Variants in NPLOC4 observed in about 807,000 individuals in gnomAD.
NPLOC4 encodes nuclear protein localization protein 4 homolog.
NPLOC4 carries 18 observed loss-of-function variants against 80.6 expected under a neutral mutation model. That is an observed-to-expected ratio of 0.22 (90% CI 0.15 to 0.33). The LOEUF (loss-of-function observed/expected upper bound fraction) is 0.33, where lower values mean the gene tolerates loss of function less well. Among genes scored for constraint, NPLOC4 ranks in the 10% least tolerant of loss-of-function variants. The probability of loss-of-function intolerance (pLI) is 1.00; values close to 1 mark genes in which losing one functional copy is unlikely to be tolerated. For synonymous variants in NPLOC4, 313 were observed against 301.5 expected (o/e 1.04, Z -0.39); for missense variants, 540 against 786.1 (o/e 0.69, Z 3.74).
intron 16 of NPLOC4, chr17:81,563,626 C>CA (rs1299806162): frequency 9.2e-6 from 2 of 216,368 alleles, no homozygotes; most frequent in Non-Finnish European, 1.9e-5. Context: ...GTTAGAACTG[C>CA]ATCAAAGGGC....
In NPLOC4 at chr17:81,582,011, G is replaced by A. The variant is rs1317152057; in HGVS notation, c.1281+6933C>T. Reference sequence around the variant, plus strand: ...TCCATGGTGGACCCACCACACCCTAGTGTCAGAGAGGGAACATGAGGAGGG... The same window carrying A: ...TCCATGGTGGACCCACCACACCCTAATGTCAGAGAGGGAACATGAGGAGGG... On this transcript the variant is annotated intron_variant, in intron 12 of 16. Transcript: ENST00000331134. Among the ~76,000 whole-genome samples, 4 of 152,292 alleles carry A rather than the reference G, an allele frequency of 2.6e-5. No homozygotes were observed. In the East Asian group the frequency reaches 7.7e-4, roughly 29 times the overall value.
chr17:81,601,934 CCCCAGCCTGCCT>C (rs2035066170), intron 8 of NPLOC4, among the ~76,000 whole-genome samples: 1 of 152,148 alleles, frequency 6.6e-6, no homozygotes, highest in Non-Finnish European at 1.5e-5. Flanking sequence ...CTGCAGGGCA[CCCCAGCCTGCCT>C]CCCAGGCAGG....
At chr17:81,625,532 TA>T (rs896572361) in intron 2 of NPLOC4, among the ~76,000 whole-genome samples, 6 of 151,572 alleles carry the variant, frequency 4.0e-5, no homozygotes, top group African/African-American at 1.5e-4. Context: ...AGAACAGAAA[TA>T]AAAAATTCAC....
chr17:81,592,758 C>T (rs376281316), intron 11 of NPLOC4, among the ~76,000 whole-genome samples: 2 of 152,122 alleles, frequency 1.3e-5, no homozygotes, highest in Admixed American at 6.6e-5. Context: ...CCGAGACAGG[C>T]GGATCACTTG....
chr17:81,627,057 T>C (rs548948095), intron 2 of NPLOC4, among the ~76,000 whole-genome samples: 2 of 148,470 alleles, frequency 1.3e-5, no homozygotes, highest in East Asian at 4.0e-4. Context: ...GCCGCTGCAC[T>C]CCAGCTTGGG....
chr17:81,585,663 G>T (rs1210114770), intron 12 of NPLOC4, among the ~76,000 whole-genome samples: 2 of 128,388 alleles, frequency 1.6e-5, no homozygotes, highest in Admixed American at 7.9e-5. Flanking sequence ...TCCATTTCTG[G>T]GGGGGGGGGG....
intron 13 of NPLOC4, among the ~76,000 whole-genome samples, chr17:81,570,898 T>C (rs975030239): frequency 6.6e-6 from 1 of 152,146 alleles, no homozygotes; most frequent in African/African-American, 2.4e-5. Context: ...CAAGTACTTC[T>C]GAAAAACTGC....
At chr17:81,581,956 T>G (rs958146054) in intron 12 of NPLOC4, among the ~76,000 whole-genome samples, 39 of 152,246 alleles carry the variant, frequency 2.6e-4, no homozygotes, top group African/African-American at 9.1e-4. Context: ...TCAAAATGTC[T>G]CTGGGACGTG....
chr17:81,597,240 C>T lies in NPLOC4; in HGVS notation c.993+5G>A, dbSNP rs746137089. ...GCCACACGCACAGTCCTGTCTCCAC[C>T]TCACCTTATTTCGACTGTAGCGGAC... On this transcript the variant is annotated splice_donor_5th_base_variant and intron_variant, in intron 10 of 16. Transcript: ENST00000331134. 2 of 1,612,204 alleles carry T rather than the reference C, an allele frequency of 1.2e-6. No homozygotes were observed. Among genetic ancestry groups the T allele is most frequent in the Admixed American group, 1.7e-5 (1 of 60,006 alleles).
At chr17:81,607,956 A>G (rs1219196682) in intron 6 of NPLOC4, among the ~76,000 whole-genome samples, 3 of 152,256 alleles carry the variant, frequency 2.0e-5, no homozygotes, top group Non-Finnish European at 4.4e-5. Context: ...ATAAAATAAT[A>G]GCTGAAGCCT....
rs1156270081 is a variant in NPLOC4 at position 81,572,922 on chromosome 17, G to A, written c.1282-834C>T. On this transcript the variant is annotated intron_variant, in intron 12 of 16. Transcript: ENST00000331134. This position sits in a 1 kb window ranked among gnomAD's most constrained non-coding sequence, Gnocchi z 4.5. ...AGCGCACACACAAATATGAAGACAC[G>A]GGAACCCCACACCAATCTGTCAAAG... Among the ~76,000 whole-genome samples the A allele has an allele frequency of 3.3e-5, 5 of 151,660 alleles. No individual in the cohort carries two copies. The highest frequency in any genetic ancestry group is 4.2e-4 in the South Asian group (2 of 4,816).
At chr17:81,618,307 C>T (rs923512003) in intron 3 of NPLOC4, among the ~76,000 whole-genome samples, 3 of 149,972 alleles carry the variant, frequency 2.0e-5, no homozygotes, top group Non-Finnish European at 3.0e-5. Context: ...CTCTGCCCCG[C>T]CGCCCCGTCT....
At chr17:81,609,814 G>A (rs1013398766) in intron 5 of NPLOC4, among the ~76,000 whole-genome samples, 5 of 152,150 alleles carry the variant, frequency 3.3e-5, no homozygotes, top group African/African-American at 4.8e-5. Flanking sequence ...GCATTATTAC[G>A]GTAACTCTCA....
intron 13 of NPLOC4, among the ~76,000 whole-genome samples, chr17:81,569,420 C>T (rs527773373): frequency 1.4e-4 from 21 of 152,372 alleles, no homozygotes; most frequent in African/African-American, 4.8e-4. Flanking sequence ...TTCAGAGTCA[C>T]ACAGGTTCTC....
chr17:81,596,834 G>A (rs1445814005), intron 10 of NPLOC4, among the ~76,000 whole-genome samples: 1 of 152,208 alleles, frequency 6.6e-6, no homozygotes, highest in East Asian at 1.9e-4. Flanking sequence ...GGGCCTGAGG[G>A]CTGGGCATGG....
chr17:81,563,487 T>G (rs181362627), intron 16 of NPLOC4: 1 of 160,602 alleles, frequency 6.2e-6, no homozygotes, highest in African/African-American at 2.4e-5. Context: ...GGAGGATCGC[T>G]TGAGCTCAGG....
At chr17:81,626,474 G>GA (rs2035798648) in intron 2 of NPLOC4, among the ~76,000 whole-genome samples, 1 of 152,148 alleles carries the variant, frequency 6.6e-6, no homozygotes, top group African/African-American at 2.4e-5. Flanking sequence ...AGGCACACCA[G>GA]AGTCACCCTA....
intron 11 of NPLOC4, among the ~76,000 whole-genome samples, chr17:81,594,330 A>G (rs1042502236): frequency 6.6e-6 from 1 of 150,382 alleles, no homozygotes; most frequent in Admixed American, 6.6e-5. Flanking sequence ...CACTTGTAAA[A>G]TAGTTAACAT....
At chr17:81,579,752 G>A (rs904470783) in intron 12 of NPLOC4, among the ~76,000 whole-genome samples, 3 of 152,034 alleles carry the variant, frequency 2.0e-5, no homozygotes, top group Admixed American at 6.6e-5. Context: ...TTTCCCTTAC[G>A]TTAATAAAAA....
Sources: allele counts gnomAD v4.1 joint callset (sites outside exome capture counted in the v4.1 genomes callset), GRCh38; gene constraint gnomAD v4.1.1; non-coding constraint Gnocchi (gnomAD v3.1); transcripts MANE v1.5; gene names NCBI Gene and HGNC (gene_info 2026-07-23, HGNC 2026-07-21).